LRRC4C: variants seen among roughly 807,000 people sequenced by gnomAD.
LRRC4C encodes the protein leucine rich repeat containing 4C, also known as leucine-rich repeat-containing protein 4C.
Under a neutral mutation model 33.6 loss-of-function variants are expected in LRRC4C, and 5 were observed. The ratio of observed to expected loss-of-function variants is 0.15; its 90% CI spans 0.08 to 0.31. LRRC4C has a LOEUF of 0.31. Among genes scored for constraint, LRRC4C ranks in the 10% least tolerant of loss-of-function variants. LRRC4C has a pLI of 1.00. For missense variants in LRRC4C, 560 were observed against 796.7 expected, an observed-to-expected ratio of 0.70 and a Z score of 3.58; for synonymous variants, 329 against 302.0, an observed-to-expected ratio of 1.09 and a Z score of -0.93.
At chr11:40,903,163 C>G (rs1300316664) in intron 2 of LRRC4C, among the ~76,000 whole-genome samples, 1 of 152,132 alleles carries the variant, frequency 6.6e-6, no homozygotes, top group Non-Finnish European at 1.5e-5. Flanking sequence ...TGCCCATTTA[C>G]CATTCTAAAA....
At chr11:40,277,459 AGG>A (rs1340603111) in intron 4 of LRRC4C, among the ~76,000 whole-genome samples, 3 of 152,108 alleles carry the variant, frequency 2.0e-5, no homozygotes, top group Non-Finnish European at 4.4e-5. Flanking sequence ...GGATAAGAAG[AGG>A]GGGAAAGAGG....
At chr11:40,338,653 T>A (rs374519466) in intron 3 of LRRC4C, among the ~76,000 whole-genome samples, 1 of 152,212 alleles carries the variant, frequency 6.6e-6, no homozygotes, top group Admixed American at 6.5e-5. Context: ...TTGGTAATAT[T>A]CTCATGATGA....
intron 5 of LRRC4C, among the ~76,000 whole-genome samples, chr11:40,171,599 A>C (rs1395898375): frequency 2.0e-5 from 3 of 152,184 alleles, no homozygotes; most frequent in African/African-American, 7.2e-5. Flanking sequence ...TAAGCATAGA[A>C]ATGATCTCCT....
intron 3 of LRRC4C, among the ~76,000 whole-genome samples, chr11:40,498,803 T>G (rs1954599668): frequency 6.6e-6 from 1 of 152,172 alleles, no homozygotes. Context: ...TGTATGCAAA[T>G]TTAAATATAC....
chr11:40,805,429 T>A (rs1951202594), intron 2 of LRRC4C, among the ~76,000 whole-genome samples: 1 of 152,212 alleles, frequency 6.6e-6, no homozygotes, highest in African/African-American at 2.4e-5. Context: ...AGCCATTCAT[T>A]GTTTAAACCA....
At chr11:41,337,927 T>C (rs1281169381) in intron 1 of LRRC4C, among the ~76,000 whole-genome samples, 1 of 151,842 alleles carries the variant, frequency 6.6e-6, no homozygotes, top group African/African-American at 2.4e-5. Flanking sequence ...CCAACAAACA[T>C]GAAAAAAAGC....
intron 1 of LRRC4C, among the ~76,000 whole-genome samples, chr11:41,175,447 T>G (rs189160994): frequency 1.5e-3 from 227 of 152,232 alleles, no homozygotes; most frequent in Admixed American, 2.7e-3. Context: ...TGACTCTGAT[T>G]GTTACTGGCA....
At chr11:40,380,220 C>T (rs918650507) in intron 3 of LRRC4C, among the ~76,000 whole-genome samples, 3 of 152,108 alleles carry the variant, frequency 2.0e-5, no homozygotes, top group East Asian at 1.9e-4. Context: ...GTGAAACAGG[C>T]GTTCTAGATG....
At chr11:40,570,218 C>T (rs1398469277) in intron 3 of LRRC4C, among the ~76,000 whole-genome samples, 1 of 152,030 alleles carries the variant, frequency 6.6e-6, no homozygotes, top group Non-Finnish European at 1.5e-5. Flanking sequence ...TTTTTCTATG[C>T]ATTTTTATAG....
chr11:40,569,845 TG>T (rs1957912784), intron 3 of LRRC4C, among the ~76,000 whole-genome samples: 1 of 151,942 alleles, frequency 6.6e-6, no homozygotes, highest in South Asian at 2.1e-4. Context: ...CAATAAAAAG[TG>T]GATAAATTTA....
intron 1 of LRRC4C, among the ~76,000 whole-genome samples, chr11:40,957,204 T>C (rs1958995806): frequency 6.6e-6 from 1 of 151,782 alleles, no homozygotes; most frequent in Admixed American, 6.6e-5. Flanking sequence ...TACATTCTTT[T>C]TCTAAAAGGT....
chr11:40,458,315 T>C (rs954414328), intron 3 of LRRC4C, among the ~76,000 whole-genome samples: 4 of 152,138 alleles, frequency 2.6e-5, no homozygotes, highest in African/African-American at 9.7e-5. Context: ...TGTCATGCAA[T>C]TCCATTATGC....
intron 6 of LRRC4C, among the ~76,000 whole-genome samples, chr11:40,136,254 CAG>C (rs1291330040): frequency 6.6e-6 from 1 of 151,868 alleles, no homozygotes; most frequent in East Asian, 1.9e-4. Flanking sequence ...AGCATCCATC[CAG>C]AGACTTTTCT....
chr11:40,759,468 A>G (rs892575485), intron 2 of LRRC4C, among the ~76,000 whole-genome samples: 1 of 151,902 alleles, frequency 6.6e-6, no homozygotes, highest in African/African-American at 2.4e-5. Flanking sequence ...TTTAAGGCCT[A>G]GCCTAGTTCT....
At chr11:41,331,745 C>T (rs541655810) in intron 1 of LRRC4C, among the ~76,000 whole-genome samples, 4 of 152,108 alleles carry the variant, frequency 2.6e-5, no homozygotes, top group Admixed American at 6.6e-5. Flanking sequence ...TGAAGTCAAA[C>T]GCAGGATGAA....
intron 1 of LRRC4C, among the ~76,000 whole-genome samples, chr11:41,455,810 C>T (rs1336767400): frequency 2.6e-5 from 4 of 152,030 alleles, no homozygotes; most frequent in Non-Finnish European, 5.9e-5. Flanking sequence ...ATCAAGGTTC[C>T]AAGACTTTGA....
chr11:40,339,795 A>AAT (rs1435052321), intron 3 of LRRC4C, among the ~76,000 whole-genome samples: 2 of 152,204 alleles, frequency 1.3e-5, no homozygotes, highest in Non-Finnish European at 2.9e-5. Flanking sequence ...CAATTGTAAT[A>AAT]ATATTAATTT....
At chr11:40,890,967 G>T (rs1040817221) in intron 2 of LRRC4C, among the ~76,000 whole-genome samples, 1 of 152,084 alleles carries the variant, frequency 6.6e-6, no homozygotes. Flanking sequence ...ACTAGGTTGG[G>T]CATGGTGGCT....
At chr11:41,399,352 A>T (rs1953940785) in intron 1 of LRRC4C, among the ~76,000 whole-genome samples, 1 of 151,954 alleles carries the variant, frequency 6.6e-6, no homozygotes, top group Admixed American at 6.6e-5. Context: ...CTTGGGACTG[A>T]CTGGTGAGGA....
Sources: allele counts gnomAD v4.1 joint callset (sites outside exome capture counted in the v4.1 genomes callset), GRCh38; gene constraint gnomAD v4.1.1; transcripts MANE v1.5; gene names NCBI Gene and HGNC (gene_info 2026-07-23, HGNC 2026-07-21).